KCNQ5: variants seen among roughly 807,000 people sequenced by gnomAD.
KCNQ5 encodes the protein potassium voltage-gated channel subfamily Q member 5, also known as potassium voltage-gated channel subfamily KQT member 5.
In KCNQ5, 30 loss-of-function variants were observed where a neutral mutation model predicts 98.2. The ratio of observed to expected loss-of-function variants is 0.31; its 90% CI spans 0.23 to 0.41. The LOEUF (loss-of-function observed/expected upper bound fraction) is 0.41. Among genes scored for constraint, KCNQ5 ranks in the 10% least tolerant of loss-of-function variants. KCNQ5 has a pLI of 1.00. For missense variants in KCNQ5, 835 were observed against 1,182.5 expected (o/e 0.71, Z 4.31); for synonymous variants, 458 against 449.4 (o/e 1.02, Z -0.24).
chr6:72,683,208 A>G (rs1462620786), intron 1 of KCNQ5, among the ~76,000 whole-genome samples: 1 of 152,122 alleles, frequency 6.6e-6, no homozygotes, highest in Non-Finnish European at 1.5e-5. Context: ...CCCCAAAGCC[A>G]AGCCTTTGCT....
At chr6:72,995,368 C>CAAAA (rs376273426) in intron 1 of KCNQ5, among the ~76,000 whole-genome samples, 23 of 70,156 alleles carry the variant, frequency 3.3e-4, no homozygotes, top group African/African-American at 8.6e-4. Flanking sequence ...AACTCTGTCT[C>CAAAA]AAAAAAAAAA....
At chr6:72,810,539 C>G (rs994654840) in intron 1 of KCNQ5, among the ~76,000 whole-genome samples, 5 of 152,142 alleles carry the variant, frequency 3.3e-5, no homozygotes, top group Non-Finnish European at 7.3e-5. Context: ...AAATTTCTCA[C>G]CCTCCAGCAT....
chr6:72,861,733 C>T (rs773730197), intron 1 of KCNQ5, among the ~76,000 whole-genome samples: 2 of 151,886 alleles, frequency 1.3e-5, no homozygotes, highest in Non-Finnish European at 2.9e-5. Flanking sequence ...GAGAAGGCTC[C>T]CAAAATGATA....
chr6:72,900,082 C>T (rs6915633), intron 1 of KCNQ5, among the ~76,000 whole-genome samples: 44,139 of 151,892 alleles, frequency 0.29, 6,644 homozygotes, highest in Non-Finnish European at 0.32. Context: ...GTGATCCACC[C>T]GCCTTGGCCT....
chr6:73,055,329 T>C, intron 3 of KCNQ5: 3 of 1,418,964 alleles, frequency 2.1e-6, no homozygotes, highest in South Asian at 1.1e-5. Context: ...TAGCTGCCAA[T>C]AGTGAGGACT....
At chr6:72,984,302 G>A (rs1452829741) in intron 1 of KCNQ5, among the ~76,000 whole-genome samples, 1 of 152,168 alleles carries the variant, frequency 6.6e-6, no homozygotes, top group African/African-American at 2.4e-5. Context: ...GTTCAGCTAT[G>A]CCCTGCCCCC....
chr6:72,726,454 C>T (rs1030999094), intron 1 of KCNQ5, among the ~76,000 whole-genome samples: 17 of 152,046 alleles, frequency 1.1e-4, no homozygotes, highest in Non-Finnish European at 2.4e-4. Context: ...ACCTCGTGAT[C>T]CGCCCGCCTC....
At chr6:73,168,690 C>T (rs759343304) in intron 10 of KCNQ5, among the ~76,000 whole-genome samples, 28 of 151,488 alleles carry the variant, frequency 1.8e-4, no homozygotes, top group East Asian at 7.8e-4. Context: ...CCAGCCTGAG[C>T]GACAAAACAA....
chr6:72,628,102 A>G (rs1048280466), intron 1 of KCNQ5, among the ~76,000 whole-genome samples: 1 of 152,240 alleles, frequency 6.6e-6, no homozygotes, highest in East Asian at 1.9e-4. Context: ...GTGCCTAACA[A>G]GGTGCCTTGT....
intron 1 of KCNQ5, among the ~76,000 whole-genome samples, chr6:72,745,152 G>A (rs943944379): frequency 7.2e-5 from 11 of 151,986 alleles, no homozygotes; most frequent in Non-Finnish European, 1.3e-4. Context: ...CTTGCACTTT[G>A]TCTTATTGCT....
chr6:73,108,815 A>C (rs1775110182), intron 6 of KCNQ5, among the ~76,000 whole-genome samples: 2 of 152,184 alleles, frequency 1.3e-5, no homozygotes, highest in Admixed American at 1.3e-4. Context: ...CAACAGAGCA[A>C]GACTCCATCT....
chr6:72,733,161 C>G (rs920742653), intron 1 of KCNQ5, among the ~76,000 whole-genome samples: 1 of 152,074 alleles, frequency 6.6e-6, no homozygotes, highest in Non-Finnish European at 1.5e-5. Flanking sequence ...CATGCTGTGA[C>G]TAAGCCACGG....
chr6:72,720,277 C>G (rs1002444197), intron 1 of KCNQ5, among the ~76,000 whole-genome samples: 6 of 152,176 alleles, frequency 3.9e-5, no homozygotes, highest in African/African-American at 1.4e-4. Flanking sequence ...AATGGATACT[C>G]AGGTATTACA....
chr6:72,790,557 C>G (rs1773985513), intron 1 of KCNQ5, among the ~76,000 whole-genome samples: 1 of 151,836 alleles, frequency 6.6e-6, no homozygotes, highest in African/African-American at 2.4e-5. Context: ...TTAATGGGTA[C>G]AAAAAAATCA....
chr6:72,966,485 T>C (rs1286760364), intron 1 of KCNQ5, among the ~76,000 whole-genome samples: 1 of 151,824 alleles, frequency 6.6e-6, no homozygotes, highest in African/African-American at 2.4e-5. Flanking sequence ...GGAGAATCTC[T>C]TGAACCCGGG....
chr6:72,756,091 T>C (rs1230232409), intron 1 of KCNQ5, among the ~76,000 whole-genome samples: 1 of 152,200 alleles, frequency 6.6e-6, no homozygotes, highest in Non-Finnish European at 1.5e-5. Flanking sequence ...TAGTTCATAC[T>C]TGTCTTTTAG....
At chr6:73,141,038 T>G (rs959872746) in intron 10 of KCNQ5, among the ~76,000 whole-genome samples, 1 of 152,128 alleles carries the variant, frequency 6.6e-6, no homozygotes, top group African/African-American at 2.4e-5. Flanking sequence ...CTGAGAAGAG[T>G]TGTGTCTTAG....
At position 72,622,540 on chromosome 6, in the gene KCNQ5, C is replaced by T. The variant is rs776481727; in HGVS notation, c.351C>T (p.Asn117=). 1.2e-6 allele frequency: 2 copies of T among 1,611,426 alleles called. No homozygotes were observed. Among genetic ancestry groups the T allele is most frequent in the Non-Finnish European group, 1.7e-6 (2 of 1,179,118 alleles). Residue 117 remains asparagine, a synonymous_variant, in exon 1 of 14, where the codon AAC becomes AAT. Coordinates refer to ENST00000370398, the MANE Select transcript of KCNQ5 (RefSeq NM_019842.4). This position sits in a 1 kb window ranked among gnomAD's most constrained non-coding sequence, Gnocchi z 6.0. The stretch of plus-strand genomic sequence containing the variant: ...GGCGGGTGCAGAACTACCTGTACAA[C>T]GTGCTGGAGAGACCCCGCGGCTGGG... ...KYRRVQNYLY[N]VLERPRGWAF... is the part of the protein sequence containing the mutation.
chr6:72,938,949 T>G (rs1002569583), intron 1 of KCNQ5, among the ~76,000 whole-genome samples: 1 of 152,154 alleles, frequency 6.6e-6, no homozygotes, highest in Non-Finnish European at 1.5e-5. Flanking sequence ...GTAATACTGT[T>G]TCAGACCTAG....
Sources: allele counts gnomAD v4.1 joint callset (sites outside exome capture counted in the v4.1 genomes callset), GRCh38; gene constraint gnomAD v4.1.1; non-coding constraint Gnocchi (gnomAD v3.1); transcripts MANE v1.5; gene names NCBI Gene and HGNC (gene_info 2026-07-23, HGNC 2026-07-21).